Variants in SASS6 observed in about 807,000 individuals in gnomAD.
SASS6 encodes SAS-6 centriolar assembly protein.
A neutral mutation model predicts 94.9 loss-of-function variants in SASS6; 59 were observed. That is an observed-to-expected ratio of 0.62 (90% CI 0.50 to 0.77). The LOEUF (loss-of-function observed/expected upper bound fraction) is 0.77, where lower values mean the gene tolerates loss of function less well. SASS6 is among the 30% of genes least tolerant of loss of function. The pLI is 0.00. For synonymous variants in SASS6, 264 were observed against 270.0 expected (o/e 0.98, Z 0.22); for missense variants, 698 against 734.1 (o/e 0.95, Z 0.57).
At chr1:100,090,033 G>A (rs1302567042) in intron 14 of SASS6, among the ~76,000 whole-genome samples, 1 of 151,954 alleles carries the variant, frequency 6.6e-6, no homozygotes, top group African/African-American at 2.4e-5. Context: ...AATAATATTT[G>A]AAAGTAGATG....
chr1:100,128,370 TC>T (rs1654774012), intron 1 of SASS6, among the ~76,000 whole-genome samples: 1 of 152,184 alleles, frequency 6.6e-6, no homozygotes, highest in Non-Finnish European at 1.5e-5. Flanking sequence ...CTGTCATACT[TC>T]ATATATTTGC....
intron 8 of SASS6, among the ~76,000 whole-genome samples, chr1:100,108,858 C>A (rs962713052): frequency 2.0e-5 from 3 of 151,968 alleles, no homozygotes; most frequent in Non-Finnish European, 2.9e-5. Flanking sequence ...AAAATCCTTA[C>A]GTAAATTGCC....
rs1433185362 is a variant in SASS6 at position 100,088,193 on chromosome 1, C to T, written c.1718G>A (p.Gly573Glu). The change falls in exon 15 of 17, where the codon GGA (glycine) becomes GAA (glutamate). Residue 573 changes from glycine to glutamate, a missense_variant. Coordinates refer to ENST00000287482, the MANE Select transcript of SASS6 (RefSeq NM_194292.3). The part of the protein sequence containing the change: ...LQFTKPNASL[G>E]DVQSGATISM... ...AATAGTTGCTCCTGACTGAACATCTCCTAGTGATGCATTTGGTTTTGTAAA... is the reference window on the plus strand; with the variant it reads ...AATAGTTGCTCCTGACTGAACATCTTCTAGTGATGCATTTGGTTTTGTAAA... 3 of 1,607,388 alleles carry T rather than the reference C, an allele frequency of 1.9e-6. No individual in the cohort carries two copies. The highest frequency in any genetic ancestry group is 2.6e-6 in the Non-Finnish European group (3 of 1,174,178).
At chr1:100,096,626 A>C (rs1341029082) in intron 14 of SASS6, among the ~76,000 whole-genome samples, 3 of 152,226 alleles carry the variant, frequency 2.0e-5, no homozygotes, top group Admixed American at 2.0e-4. Context: ...AATATTTGCT[A>C]ATCATATACT....
intron 4 of SASS6, 99 bp from the exon 5 acceptor site, chr1:100,121,648 A>G: frequency 2.9e-6 from 2 of 693,552 alleles, no homozygotes; most frequent in Non-Finnish European, 4.9e-6. Context: ...CAGGAAAGGG[A>G]GCACATTGAG....
Position 100,085,567 on chromosome 1 carries a change from G to A in SASS6, c.1836C>T (p.Arg612=), listed in dbSNP as rs575705848. 2.5e-5 allele frequency: 40 copies of A among 1,612,852 alleles called. 1 individual carries two copies. The highest frequency in any genetic ancestry group is 2.2e-4 in the East Asian group (10 of 44,850). The change falls in exon 16 of 17, where the codon CGC becomes CGT. Residue 612 remains arginine (R), a synonymous_variant. Coordinates refer to ENST00000287482, the MANE Select transcript of SASS6 (RefSeq NM_194292.3). The stretch of plus-strand genomic sequence containing the variant: ...TACTAAATAGGTTCTGGCTGAGTCC[G>A]CGTAAAGGAATGCTATCTTCCCTTT... The part of the protein sequence containing the change: ...LKKREDSIPL[R]GLSQNLFSNS...
chr1:100,122,554 T>A (rs1351415815), intron 3 of SASS6, 70 bp from the exon 4 acceptor site: 2 of 544,980 alleles, frequency 3.7e-6, no homozygotes, highest in Non-Finnish European at 6.2e-6. Flanking sequence ...GGTGCCTTTT[T>A]TTTTTTTTTT....
intron 7 of SASS6, among the ~76,000 whole-genome samples, chr1:100,116,804 T>C (rs1653826798): frequency 6.6e-6 from 1 of 152,178 alleles, no homozygotes; most frequent in Non-Finnish European, 1.5e-5. Context: ...TGAATGATGA[T>C]GTAAGTCAGA....
chr1:100,110,270 G>GA (rs751903427), intron 8 of SASS6, 22 bp downstream of exon 8: 264 of 1,428,028 alleles, frequency 1.8e-4, no homozygotes, highest in Non-Finnish European at 2.1e-4. Context: ...ATTGGGGGAG[G>GA]AAAAAAAACA....
intron 4 of SASS6, 45 bp from the exon 5 acceptor site, chr1:100,121,594 G>T (rs749215851): frequency 1.3e-5 from 14 of 1,090,826 alleles, no homozygotes; most frequent in Non-Finnish European, 1.9e-5. Flanking sequence ...AAGAGATAGT[G>T]AAAATCTCTC....
chr1:100,128,522 A>G (rs1654782466), intron 1 of SASS6, among the ~76,000 whole-genome samples: 1 of 152,238 alleles, frequency 6.6e-6, no homozygotes, highest in Non-Finnish European at 1.5e-5. Context: ...ATGTTGAAAG[A>G]AAAAACGGAA....
intron 2 of SASS6, among the ~76,000 whole-genome samples, chr1:100,124,966 C>T (rs1199317965): frequency 6.6e-6 from 1 of 152,148 alleles, no homozygotes; most frequent in Admixed American, 6.5e-5. Context: ...CTGCCTGCCA[C>T]TCACCTCCTG....
At position 100,105,792 on chromosome 1, in the gene SASS6, C is replaced by T; in HGVS notation, c.1520G>A (p.Ser507Asn). 1 of 1,613,040 alleles carries T rather than the reference C, an allele frequency of 6.2e-7. No individual in the cohort carries two copies. Among genetic ancestry groups the T allele is most frequent in the Non-Finnish European group, 8.5e-7 (1 of 1,179,532 alleles). Residue 507 changes from serine to asparagine, a missense_variant, in exon 13 of 17, where the codon AGT becomes AAT. Coordinates refer to ENST00000287482, the MANE Select transcript of SASS6 (RefSeq NM_194292.3). ...CACATTCAGGTTAGGAGAAATTCCA[C>T]TTCTGATTGTGTTGCTGCTGGAATG... ...PAHSSSNTIR[S>N]GISPNLNVVD...
chr1:100,088,300 G>C (rs1187676642), intron 14 of SASS6, 64 bp from the exon 15 acceptor site: 12 of 811,558 alleles, frequency 1.5e-5, no homozygotes, highest in East Asian at 2.5e-5. Context: ...TTGGGCAGAG[G>C]GGGGATTTTA....
chr1:100,119,861 T>C (rs1393151096), intron 6 of SASS6, among the ~76,000 whole-genome samples: 10 of 152,222 alleles, frequency 6.6e-5, no homozygotes, highest in Admixed American at 6.5e-4. Flanking sequence ...AATGAACCAA[T>C]TAAATCTCTT....
rs1223735591 is a variant in SASS6, at chr1:100,121,577, C to T, written c.312-28G>A. 3 of 1,335,744 alleles carry T rather than the reference C, an allele frequency of 2.2e-6. No individual in the cohort carries two copies. The African/African-American group carries it at 4.4e-5, about 20-fold the overall frequency. The allele number at this position is 1,335,744 out of a possible 1,614,324, so 82.7% of individuals were successfully genotyped here. Reference sequence around the variant, plus strand: ...TTGAAAAGAAAATGTTACATTATAACACACTTAAGAGATAGTGAAAATCTC... The same window carrying T: ...TTGAAAAGAAAATGTTACATTATAATACACTTAAGAGATAGTGAAAATCTC... On this transcript the variant is annotated intron_variant, in intron 4 of 16. Coordinates refer to ENST00000287482, the MANE Select transcript of SASS6 (RefSeq NM_194292.3).
chr1:100,118,868 G>C, intron 7 of SASS6, 150 bp downstream of exon 7: 2 of 419,752 alleles, frequency 4.8e-6, no homozygotes, highest in Non-Finnish European at 8.1e-6. Flanking sequence ...TCTCTAGGTA[G>C]TAAGACTTTG....
chr1:100,097,706 G>A lies in SASS6; in HGVS notation c.1674+5249C>T, dbSNP rs1028332314. ...TACCTGGGCATGGTGGCACACACCTGTAGTCCCAGCTACTCAGGAGGCTAA... is the reference window on the plus strand; with the variant it reads ...TACCTGGGCATGGTGGCACACACCTATAGTCCCAGCTACTCAGGAGGCTAA... On this transcript the variant is annotated intron_variant, in intron 14 of 16. Coordinates refer to ENST00000287482, the MANE Select transcript of SASS6 (RefSeq NM_194292.3). Among the ~76,000 whole-genome samples the A allele has an allele frequency of 3.3e-5, 5 of 152,142 alleles. No homozygotes were observed. The East Asian group carries it at 7.7e-4, about 23-fold the overall frequency.
At chr1:100,107,780 T>C (rs748430091) in intron 9 of SASS6, 30 bp downstream of exon 9, 3 of 1,560,888 alleles carry the variant, frequency 1.9e-6, no homozygotes, top group East Asian at 2.2e-5. Context: ...AATATGATTA[T>C]CAATTTCTGA....
Sources: allele counts gnomAD v4.1 joint callset (sites outside exome capture counted in the v4.1 genomes callset), GRCh38; gene constraint gnomAD v4.1.1; transcripts MANE v1.5; gene names NCBI Gene and HGNC (gene_info 2026-07-23, HGNC 2026-07-21).